CCDC174: variants seen among roughly 807,000 people sequenced by gnomAD.
CCDC174 encodes the protein coiled-coil domain containing 174.
In CCDC174, 37 loss-of-function variants were observed where a neutral mutation model predicts 57.1. The ratio of observed to expected loss-of-function variants is 0.65; its 90% CI spans 0.50 to 0.85. CCDC174 has a LOEUF of 0.85. CCDC174 is among the 40% of genes least tolerant of loss of function. CCDC174 has a pLI of 0.00. For synonymous variants in CCDC174, 182 were observed against 190.2 expected (o/e 0.96, Z 0.35); for missense variants, 540 against 574.3 (o/e 0.94, Z 0.61).
intron 3 of CCDC174, among the ~76,000 whole-genome samples, chr3:14,658,653 G>A (rs993896500): frequency 1.3e-5 from 2 of 152,208 alleles, no homozygotes; most frequent in African/African-American, 2.4e-5. Context: ...AGAGGACACA[G>A]GCCATGCACT....
intron 1 of CCDC174, among the ~76,000 whole-genome samples, chr3:14,652,782 A>G (rs963860000): frequency 6.6e-6 from 1 of 151,864 alleles, no homozygotes; most frequent in African/African-American, 2.4e-5. Flanking sequence ...CACGCCTGTA[A>G]TCCCAGCTAC....
intron 5 of CCDC174, 48 bp from the exon 6 acceptor site, chr3:14,664,980 T>A: frequency 7.3e-7 from 1 of 1,370,694 alleles, no homozygotes; most frequent in East Asian, 2.3e-5. Context: ...CTTAGGGGCT[T>A]GTACATGTGT....
chr3:14,667,332 G>A, intron 7 of CCDC174, 92 bp from the exon 8 acceptor site: 2 of 946,180 alleles, frequency 2.1e-6, no homozygotes, highest in Admixed American at 2.0e-5. Context: ...AAATATCACT[G>A]TGTTTCTTTT....
chr3:14,658,157 G>A (rs2031021381), intron 3 of CCDC174, among the ~76,000 whole-genome samples: 4 of 152,108 alleles, frequency 2.6e-5, no homozygotes, highest in Admixed American at 2.6e-4. Context: ...TTTCTTTATT[G>A]TCCTTCTCCA....
At chr3:14,667,152 C>T (rs1337981398) in intron 7 of CCDC174, 1 of 620,490 alleles carries the variant, frequency 1.6e-6, no homozygotes, top group Admixed American at 3.1e-5. Context: ...GTCTGGTAAT[C>T]CAAGGGATTG....
intron 2 of CCDC174, among the ~76,000 whole-genome samples, chr3:14,654,840 TA>T (rs2030897257): frequency 6.6e-6 from 1 of 152,240 alleles, no homozygotes; most frequent in African/African-American, 2.4e-5. Flanking sequence ...AACAATTAGA[TA>T]ATATAGGAAT....
In CCDC174 at chr3:14,666,941, G is replaced by C. The variant is rs972041963; in HGVS notation, c.718G>C (p.Glu240Gln). ...GCCCGTACATTATGAAGACATTCGG[G>C]AAAATGGTATGACTATTTTCTTGCA... ...MGPVHYEDIR[E>Q]NEARQLGVGY... Residue 240 changes from glutamate (E) to glutamine (Q), a missense_variant, in exon 7 of 11, where the codon GAA (glutamate) becomes CAA (glutamine). Glu to Gln is a conservative substitution (Grantham distance 29, BLOSUM62 2). Transcript: ENST00000383794. The C allele has an allele frequency of 9.5e-6, 15 of 1,575,162 alleles. No individual in the cohort carries two copies. Among genetic ancestry groups the C allele is most frequent in the Non-Finnish European group, 1.3e-5 (15 of 1,168,800 alleles).
chr3:14,661,645 C>G lies in CCDC174; in HGVS notation c.423C>G (p.Asp141Glu), dbSNP rs139960882. The stretch of plus-strand genomic sequence containing the variant: ...ATTCTCAAAAGGCAGGAGAAAGGGA[C>G]GACGATGAGGAAAACCTTCCTGAGG... ...HRDSQKAGER[D>E]DDEENLPEGE... Residue 141 changes from aspartate (D) to glutamate (E), a missense_variant, in exon 5 of 11, where the codon GAC becomes GAG. Transcript: ENST00000383794. 1 of 1,614,140 alleles carries G rather than the reference C, an allele frequency of 6.2e-7. No homozygotes were observed. Among genetic ancestry groups the G allele is most frequent in the Non-Finnish European group, 8.5e-7 (1 of 1,180,016 alleles).
chr3:14,669,568 G>A (rs1235200772), intron 9 of CCDC174, among the ~76,000 whole-genome samples: 2 of 152,136 alleles, frequency 1.3e-5, no homozygotes, highest in African/African-American at 4.8e-5. Context: ...AGTGATTTGG[G>A]GATTTCTGGT....
intron 4 of CCDC174, among the ~76,000 whole-genome samples, chr3:14,660,139 G>A (rs1414522838): frequency 6.6e-6 from 1 of 152,228 alleles, no homozygotes; most frequent in African/African-American, 2.4e-5. Flanking sequence ...CCTACCAGGA[G>A]GCCTCACTAG....
At chr3:14,656,876 T>C (rs939302171) in intron 3 of CCDC174, among the ~76,000 whole-genome samples, 2 of 152,152 alleles carry the variant, frequency 1.3e-5, no homozygotes, top group Non-Finnish European at 2.9e-5. Context: ...ACATGTGCTT[T>C]TGGATATATG....
chr3:14,651,976 A>G (rs2030783640), intron 1 of CCDC174, 98 bp downstream of exon 1: 4 of 1,219,134 alleles, frequency 3.3e-6, no homozygotes, highest in Non-Finnish European at 4.8e-6. Context: ...TCGGGGACCC[A>G]GAGACCTGAC....
At chr3:14,661,482 T>G in intron 4 of CCDC174, 48 bp from the exon 5 acceptor site, 1 of 1,517,326 alleles carries the variant, frequency 6.6e-7, no homozygotes, top group Non-Finnish European at 9.0e-7. Context: ...GTCCATTCCA[T>G]GTGTGATTTT....
rs759062767 is a variant in CCDC174, at chr3:14,663,484, C to T, written c.486-1544C>T. Among the ~76,000 whole-genome samples, 5 of 152,304 alleles carry T rather than the reference C, an allele frequency of 3.3e-5. 1 individual carries two copies. Among genetic ancestry groups the T allele is most frequent in the South Asian group, 4.1e-4 (2 of 4,832 alleles). On this transcript the variant is annotated intron_variant, in intron 5 of 10. Coordinates refer to ENST00000383794, the MANE Select transcript of CCDC174 (RefSeq NM_016474.5). Reference sequence around the variant, plus strand: ...TTACGTACCCAGTGTTGTTAATAAGCGTTTCATGGGTGTGTGCCTTAACTT... The same window carrying T: ...TTACGTACCCAGTGTTGTTAATAAGTGTTTCATGGGTGTGTGCCTTAACTT...
rs539944364 is a variant in CCDC174 at position 14,666,818 on chromosome 3, G to T, written c.595G>T (p.Ala199Ser). The change falls in exon 7 of 11, where the codon GCT (alanine) becomes TCT (serine). Residue 199 changes from alanine (A) to serine (S), a missense_variant. Coordinates refer to ENST00000383794, the MANE Select transcript of CCDC174 (RefSeq NM_016474.5). ...TTTTCCTGCTAGTTTTATTAGTCCT[G>T]CTAATGAAAAAACCCTATTATCTGA... ...NLQGRLFISP[A>S]NEKTLLSEDM... The T allele has an allele frequency of 6.3e-7, 1 of 1,580,386 alleles. No individual in the cohort carries two copies. The highest frequency in any genetic ancestry group is 1.2e-5 in the South Asian group (1 of 85,062).
At chr3:14,655,280 C>T (rs1418782794) in intron 2 of CCDC174, among the ~76,000 whole-genome samples, 2 of 151,946 alleles carry the variant, frequency 1.3e-5, no homozygotes, top group Non-Finnish European at 2.9e-5. Flanking sequence ...CACCACACTC[C>T]AGCCTGGGTG....
At chr3:14,653,888 A>G (rs10510429) in intron 1 of CCDC174, among the ~76,000 whole-genome samples, 116,923 of 152,212 alleles carry the variant, frequency 0.77, 47,281 homozygotes, top group South Asian at 0.93. Context: ...ATCTGAACTT[A>G]TGTGCTACTT....
chr3:14,666,845 G>T lies in CCDC174; in HGVS notation c.622G>T (p.Asp208Tyr), dbSNP rs762777201. 3 of 1,596,918 alleles carry T rather than the reference G, an allele frequency of 1.9e-6. No individual in the cohort carries two copies. The highest frequency in any genetic ancestry group is 2.6e-6 in the Non-Finnish European group (3 of 1,175,802). The change falls in exon 7 of 11, where the codon GAT becomes TAT. Residue 208 changes from aspartate (D) to tyrosine (Y), a missense_variant. Coordinates refer to ENST00000383794, the MANE Select transcript of CCDC174 (RefSeq NM_016474.5). Reference protein sequence around the residue: ...PANEKTLLSEDMRKELQRQQW... With the variant: ...PANEKTLLSEYMRKELQRQQW... Reference sequence around the variant, plus strand: ...TAATGAAAAAACCCTATTATCTGAAGATATGAGAAAAGAACTTCAGCGCCA... The same window carrying T: ...TAATGAAAAAACCCTATTATCTGAATATATGAGAAAAGAACTTCAGCGCCA...
At chr3:14,658,834 A>G in intron 3 of CCDC174, 37 bp from the exon 4 acceptor site, 1 of 1,533,744 alleles carries the variant, frequency 6.5e-7, no homozygotes, top group Non-Finnish European at 8.9e-7. Flanking sequence ...GAACAGTTAT[A>G]AGACCATTTC....
Sources: allele counts gnomAD v4.1 joint callset (sites outside exome capture counted in the v4.1 genomes callset), GRCh38; gene constraint gnomAD v4.1.1; transcripts MANE v1.5; gene names NCBI Gene and HGNC (gene_info 2026-07-23, HGNC 2026-07-21).